CPLX2: variants seen among roughly 807,000 people sequenced by gnomAD.
CPLX2 encodes complexin-2.
A neutral mutation model predicts 16.3 loss-of-function variants in CPLX2; 5 were observed. That is an observed-to-expected ratio of 0.31 (90% CI 0.16 to 0.64). The LOEUF is 0.64. Among genes scored for constraint, CPLX2 ranks in the 30% least tolerant of loss-of-function variants. The pLI is 0.79. For missense variants in CPLX2, 144 were observed against 181.4 expected, an observed-to-expected ratio of 0.79 and a Z score of 1.18; for synonymous variants, 89 against 73.2, an observed-to-expected ratio of 1.22 and a Z score of -1.10.
At position 175,831,325 on chromosome 5, in the gene CPLX2, G is replaced by A. The variant is rs150013955; in HGVS notation, c.-89+22257G>A. ...GAAGGGGAAATCGTAGCTCAGAGAG[G>A]GGAAGGGACTTGCTCAAGGCCAGTC... is the stretch of plus-strand genomic sequence containing the variant. On this transcript the variant is annotated intron_variant, in intron 2 of 4. Transcript: ENST00000359546. Among the ~76,000 whole-genome samples the A allele has an allele frequency of 1.4e-4, 22 of 152,284 alleles. No homozygotes were observed. In the East Asian group the frequency reaches 2.7e-3, roughly 19 times the overall value.
rs1759032096 is a variant in CPLX2, at chr5:175,845,762, A to G, written c.-88-32890A>G. 6.6e-6 allele frequency among the ~76,000 whole-genome samples: 1 copy of G among 152,122 alleles called. No homozygotes were observed. The highest frequency in any genetic ancestry group is 2.4e-5 in the African/African-American group (1 of 41,426). On this transcript the variant is annotated intron_variant, in intron 2 of 4. Transcript: ENST00000359546. The surrounding 1 kb of genome is among the most constrained non-coding windows in gnomAD (Gnocchi z 4.0). The stretch of plus-strand genomic sequence containing the variant: ...GATAAATGGATGAGTGATGTGCCCA[A>G]GGTCACGTGGCTGTCAGATAACAGA...
chr5:175,858,074 C>T (rs996270872), intron 2 of CPLX2, among the ~76,000 whole-genome samples: 3 of 152,228 alleles, frequency 2.0e-5, no homozygotes, highest in African/African-American at 7.2e-5. Flanking sequence ...GAGTGGAAAG[C>T]TGACTTGCCC....
Position 175,838,266 on chromosome 5 carries a change from CT to C in CPLX2, c.-89+29217del, listed in dbSNP as rs1156770920. Among the ~76,000 whole-genome samples, 525 of 116,752 alleles carry C rather than the reference CT, an allele frequency of 4.5e-3. 1 individual carries two copies. Among genetic ancestry groups the C allele is most frequent in the Middle Eastern group, 0.01 (2 of 192 alleles). The allele number at this position is 116,752 out of a possible 152,430, so 76.6% of individuals were successfully genotyped here. A position where few individuals can be genotyped will look rare whatever the true frequency, so the allele number is the denominator to read the frequency against. ...AGCTAGCATTTCTCACCCCTCCTGT[CT>C]TTTTTTTTTTTTTTTTTTGAGATGG... On this transcript the variant is annotated intron_variant, in intron 2 of 4. Coordinates refer to the CPLX2 transcript ENST00000359546.
chr5:175,875,028 C>T (rs549832703), intron 1 of CPLX2, among the ~76,000 whole-genome samples: 69 of 152,164 alleles, frequency 4.5e-4, no homozygotes, highest in African/African-American at 1.5e-3. Flanking sequence ...AGGAGGATGA[C>T]GGCCGTGAAG....
At chr5:175,836,164 C>CA (rs1420254298) in intron 2 of CPLX2, among the ~76,000 whole-genome samples, 1 of 152,074 alleles carries the variant, frequency 6.6e-6, no homozygotes, top group African/African-American at 2.4e-5. Flanking sequence ...TCCTGGCTAA[C>CA]ACGGTGAAAC....
At chr5:175,879,656 C>CATA in intron 3 of CPLX2, 192 bp from the exon 4 acceptor site, 1 of 703,218 alleles carries the variant, frequency 1.4e-6, no homozygotes, top group Non-Finnish European at 2.6e-6. Flanking sequence ...GGAAACCCCA[C>CATA]GTATGGTCTC....
intron 2 of CPLX2, among the ~76,000 whole-genome samples, chr5:175,819,470 T>C (rs1345784707): frequency 2.0e-5 from 3 of 152,220 alleles, no homozygotes; most frequent in African/African-American, 7.2e-5. Flanking sequence ...GCCGTTGGAA[T>C]TTTTATTTCC....
chr5:175,850,900 G>A (rs903761011), intron 2 of CPLX2, among the ~76,000 whole-genome samples: 1 of 152,024 alleles, frequency 6.6e-6, no homozygotes, highest in African/African-American at 2.4e-5. Flanking sequence ...CTAGGAGGCT[G>A]TGTGTGGTGC....
upstream of CPLX2, among the ~76,000 whole-genome samples, chr5:175,870,795 C>G (rs1451842420): frequency 1.3e-5 from 2 of 152,152 alleles, no homozygotes; most frequent in Non-Finnish European, 2.9e-5. Flanking sequence ...GATATCAGAT[C>G]TCAAAGGGAT....
chr5:175,867,712 G>A (rs76621677), upstream of CPLX2, among the ~76,000 whole-genome samples: 7 of 151,880 alleles, frequency 4.6e-5, no homozygotes, highest in East Asian at 7.8e-4. Flanking sequence ...AGAGACGCAC[G>A]CCTGCCCTGC....
chr5:175,874,972 T>C (rs1759723827), intron 1 of CPLX2, among the ~76,000 whole-genome samples: 1 of 151,168 alleles, frequency 6.6e-6, no homozygotes, highest in African/African-American at 2.4e-5. Flanking sequence ...CTGGAAAAGG[T>C]GGGGGGAGGG....
intron 1 of CPLX2, among the ~76,000 whole-genome samples, chr5:175,800,899 T>C (rs1430632675): frequency 6.6e-6 from 1 of 152,170 alleles, no homozygotes; most frequent in Non-Finnish European, 1.5e-5. Flanking sequence ...AATTGAGGCC[T>C]GAATGACAAA....
At chr5:175,838,502 T>C (rs1758884845) in intron 2 of CPLX2, among the ~76,000 whole-genome samples, 1 of 152,088 alleles carries the variant, frequency 6.6e-6, no homozygotes, top group Non-Finnish European at 1.5e-5. Flanking sequence ...TCTCCTGACC[T>C]CGTGATCCAA....
chr5:175,837,442 G>A (rs772097527), intron 2 of CPLX2: 19 of 152,220 alleles, frequency 1.2e-4, no homozygotes, highest in Non-Finnish European at 1.9e-4. Context: ...TGTCTGGAAA[G>A]TGTTTTGCAC....
chr5:175,827,235 A>C (rs559379758), intron 2 of CPLX2, among the ~76,000 whole-genome samples: 3 of 152,332 alleles, frequency 2.0e-5, no homozygotes, highest in East Asian at 1.9e-4. Context: ...CCTCTATGGG[A>C]GAACAGGCTG....
chr5:175,827,143 T>C (rs1338619789), intron 2 of CPLX2, among the ~76,000 whole-genome samples: 1 of 152,164 alleles, frequency 6.6e-6, no homozygotes, highest in East Asian at 1.9e-4. Flanking sequence ...TTGGCCCCTT[T>C]TGGGTCACAT....
chr5:175,839,883 T>C (rs574444523), intron 2 of CPLX2, among the ~76,000 whole-genome samples: 5 of 152,364 alleles, frequency 3.3e-5, no homozygotes, highest in African/African-American at 1.2e-4. Context: ...ATCTCTGGAC[T>C]ATTACATTCA....
intron 1 of CPLX2, among the ~76,000 whole-genome samples, chr5:175,806,994 G>A (rs1758219030): frequency 6.6e-6 from 1 of 152,178 alleles, no homozygotes; most frequent in Admixed American, 6.5e-5. Context: ...TTGTGACTGT[G>A]GGGGTTTGGC....
At chr5:175,804,726 C>T (rs2382119) in intron 1 of CPLX2, among the ~76,000 whole-genome samples, 4,199 of 152,250 alleles carry the variant, frequency 0.028, 184 homozygotes, top group African/African-American at 0.096. Context: ...TGACACACCC[C>T]GGTGATTGAC....
Sources: allele counts gnomAD v4.1 joint callset (sites outside exome capture counted in the v4.1 genomes callset), GRCh38; gene constraint gnomAD v4.1.1; non-coding constraint Gnocchi (gnomAD v3.1); transcripts MANE v1.5; gene names NCBI Gene and HGNC (gene_info 2026-07-23, HGNC 2026-07-21).